NAALADL2: variants seen among roughly 807,000 people sequenced by gnomAD.
NAALADL2 encodes N-acetylated alpha-linked acidic dipeptidase like 2, also known as inactive N-acetylated-alpha-linked acidic dipeptidase-like protein 2.
In NAALADL2, 76 loss-of-function variants were observed where a neutral mutation model predicts 87.2. The ratio of observed to expected loss-of-function variants is 0.87; its 90% CI spans 0.72 to 1.05. The LOEUF is 1.05. Among genes scored for constraint, NAALADL2 ranks in the 50% least tolerant of loss-of-function variants. The probability of loss-of-function intolerance (pLI) is 0.00; values close to 1 mark genes in which losing one functional copy is unlikely to be tolerated. For synonymous variants in NAALADL2, 354 were observed against 331.0 expected (o/e 1.07, Z -0.75); for missense variants, 1,089 against 945.8 (o/e 1.15, Z -1.99).
At chr3:175,800,092 T>G (rs998882106) in intron 13 of NAALADL2, among the ~76,000 whole-genome samples, 1 of 152,112 alleles carries the variant, frequency 6.6e-6, no homozygotes, top group Admixed American at 6.5e-5. Context: ...CCTGGAGCAG[T>G]TGTGTGTATG....
At chr3:174,759,796 G>T (rs1644206155) in intron 3 of NAALADL2, among the ~76,000 whole-genome samples, 1 of 151,866 alleles carries the variant, frequency 6.6e-6, no homozygotes, top group South Asian at 2.1e-4. Flanking sequence ...CAACTTCCAG[G>T]TTCAAGTGAT....
At chr3:175,148,085 GATAATGATAATA>G (rs1287025041) in intron 2 of NAALADL2, among the ~76,000 whole-genome samples, 4,802 of 110,310 alleles carry the variant, frequency 0.044, 227 homozygotes, top group African/African-American at 0.12. Context: ...TAATAATAAT[GATAATGATAATA>G]ATAATAATAA....
intron 3 of NAALADL2, among the ~76,000 whole-genome samples, chr3:174,769,045 A>G (rs1714204341): frequency 6.6e-6 from 1 of 151,938 alleles, no homozygotes; most frequent in South Asian, 2.1e-4. Context: ...TTATTTTAAA[A>G]TAGAAGCAGT....
chr3:174,837,935 TAGAG>T (rs1376720474), intron 3 of NAALADL2, among the ~76,000 whole-genome samples: 10 of 140,320 alleles, frequency 7.1e-5, no homozygotes, highest in Non-Finnish European at 1.5e-4. Context: ...TTTGACAAGA[TAGAG>T]AAAGAGAGAA....
chr3:174,988,380 G>A (rs1746262084), intron 1 of NAALADL2, among the ~76,000 whole-genome samples: 1 of 152,148 alleles, frequency 6.6e-6, no homozygotes, highest in Non-Finnish European at 1.5e-5. Flanking sequence ...AACAAATAGT[G>A]TTTCATAATC....
intron 1 of NAALADL2, among the ~76,000 whole-genome samples, chr3:175,009,776 A>G (rs186674924): frequency 2.2e-4 from 33 of 152,294 alleles, no homozygotes; most frequent in African/African-American, 7.2e-4. Context: ...CAATAGGAAT[A>G]TTGATTAGCT....
At chr3:174,570,549 T>A (rs897954662) in intron 2 of NAALADL2, among the ~76,000 whole-genome samples, 1 of 152,170 alleles carries the variant, frequency 6.6e-6, no homozygotes, top group African/African-American at 2.4e-5. Context: ...TAAGCCAATC[T>A]AAGGCGCGCT....
intron 9 of NAALADL2, among the ~76,000 whole-genome samples, chr3:175,513,767 G>C (rs1400884765): frequency 6.6e-6 from 1 of 152,166 alleles, no homozygotes; most frequent in East Asian, 1.9e-4. Context: ...AAGGACTTCA[G>C]AAAGATGTAC....
chr3:174,778,385 C>T (rs1412746843), intron 3 of NAALADL2, among the ~76,000 whole-genome samples: 1 of 152,016 alleles, frequency 6.6e-6, no homozygotes, highest in Non-Finnish European at 1.5e-5. Flanking sequence ...AGAACTAGTA[C>T]AAAATTGTTC....
intron 3 of NAALADL2, among the ~76,000 whole-genome samples, chr3:174,823,146 T>A (rs983501483): frequency 1.3e-5 from 2 of 152,226 alleles, no homozygotes; most frequent in African/African-American, 4.8e-5. Context: ...TAGGTATGAT[T>A]TAAAACCAGA....
intron 5 of NAALADL2, among the ~76,000 whole-genome samples, chr3:175,335,129 C>T (rs563425827): frequency 1.1e-4 from 17 of 152,112 alleles, no homozygotes; most frequent in Non-Finnish European, 8.8e-5. Context: ...CCACGTCTAC[C>T]GCGTCTACTG....
chr3:175,064,048 A>G (rs982362661), intron 1 of NAALADL2, among the ~76,000 whole-genome samples: 3 of 152,064 alleles, frequency 2.0e-5, no homozygotes, highest in Non-Finnish European at 4.4e-5. Context: ...AATCCTGTAT[A>G]CCCAGGAACC....
chr3:174,993,524 CAG>C (rs1560452692), intron 1 of NAALADL2, among the ~76,000 whole-genome samples: 1 of 152,036 alleles, frequency 6.6e-6, no homozygotes, highest in African/African-American at 2.4e-5. Flanking sequence ...GAAACTAAGA[CAG>C]GGGAATTGCC....
At chr3:175,308,812 T>C (rs1481354585) in intron 4 of NAALADL2, among the ~76,000 whole-genome samples, 1 of 152,220 alleles carries the variant, frequency 6.6e-6, no homozygotes, top group East Asian at 1.9e-4. Context: ...CTATAAACTA[T>C]ACAGACAAGT....
chr3:175,787,575 C>T (rs1752219322), intron 13 of NAALADL2, among the ~76,000 whole-genome samples: 1 of 152,204 alleles, frequency 6.6e-6, no homozygotes, highest in Non-Finnish European at 1.5e-5. Context: ...TCGGCTCGCG[C>T]ACGGTGCGCG....
chr3:175,090,991 A>G (rs1002125855), intron 1 of NAALADL2, among the ~76,000 whole-genome samples: 15 of 152,028 alleles, frequency 9.9e-5, no homozygotes, highest in Non-Finnish European at 1.6e-4. Flanking sequence ...AAATATCATT[A>G]TACTGAAGAA....
At chr3:174,556,049 G>A (rs1243408773) in intron 2 of NAALADL2, among the ~76,000 whole-genome samples, 4 of 151,066 alleles carry the variant, frequency 2.6e-5, no homozygotes, top group Admixed American at 2.6e-4. Context: ...TATCTATAAT[G>A]GTTAGAATTC....
chr3:174,604,526 C>T (rs1718786415), intron 2 of NAALADL2, among the ~76,000 whole-genome samples: 1 of 151,994 alleles, frequency 6.6e-6, no homozygotes, highest in African/African-American at 2.4e-5. Context: ...TTCCATTCAG[C>T]TACTTCTGTC....
chr3:174,787,601 A>ATATACATATATATATATATATATATG (rs1716918839), intron 3 of NAALADL2, among the ~76,000 whole-genome samples: 1 of 91,208 alleles, frequency 1.1e-5, no homozygotes, highest in African/African-American at 3.9e-5. Flanking sequence ...ATATATATAT[A>ATATACATATATATATATATATATATG]TATATATATA....
Sources: allele counts gnomAD v4.1 joint callset (sites outside exome capture counted in the v4.1 genomes callset), GRCh38; gene constraint gnomAD v4.1.1; transcripts MANE v1.5; gene names NCBI Gene and HGNC (gene_info 2026-07-23, HGNC 2026-07-21).